Variants in FOXP2 observed in about 807,000 individuals in gnomAD.
The protein encoded by FOXP2 is forkhead box protein P2.
Under a neutral mutation model 115.8 loss-of-function variants are expected in FOXP2, and 12 were observed. That is an observed-to-expected ratio of 0.10 (90% CI 0.07 to 0.17). FOXP2 has a LOEUF of 0.17. Among genes scored for constraint, FOXP2 ranks in the 10% least tolerant of loss-of-function variants. The probability of loss-of-function intolerance (pLI) is 1.00; values close to 1 mark genes in which losing one functional copy is unlikely to be tolerated. For missense variants in FOXP2, 629 were observed against 843.5 expected (o/e 0.75, Z 3.15); for synonymous variants, 328 against 297.7 (o/e 1.10, Z -1.05).
chr7:114,484,234 CTAAT>C (rs1194229805), intron 2 of FOXP2, among the ~76,000 whole-genome samples: 2 of 151,560 alleles, frequency 1.3e-5, no homozygotes, highest in African/African-American at 4.8e-5. Context: ...CTGTGATAAT[CTAAT>C]TGTGCTCTAT....
chr7:114,510,713 C>T (rs921308032), intron 2 of FOXP2, among the ~76,000 whole-genome samples: 5 of 152,054 alleles, frequency 3.3e-5, no homozygotes, highest in Non-Finnish European at 5.9e-5. Flanking sequence ...ACAACAGATG[C>T]TGGAGAGGAT....
At chr7:114,176,336 TTCTC>T (rs1186084127) in intron 1 of FOXP2, among the ~76,000 whole-genome samples, 4 of 135,974 alleles carry the variant, frequency 2.9e-5, no homozygotes, top group Admixed American at 7.1e-5. Flanking sequence ...TTTTCTTTCT[TTCTC>T]TCTCTCTCTC....
chr7:114,250,072 G>A (rs1379419892), intron 1 of FOXP2, among the ~76,000 whole-genome samples: 1 of 151,382 alleles, frequency 6.6e-6, no homozygotes, highest in African/African-American at 2.4e-5. Context: ...CCTTGCAATA[G>A]TTTACTGAGA....
intron 1 of FOXP2, among the ~76,000 whole-genome samples, chr7:114,134,371 G>T (rs1463398417): frequency 6.6e-6 from 1 of 152,044 alleles, no homozygotes; most frequent in Non-Finnish European, 1.5e-5. Flanking sequence ...TGGATTTTTT[G>T]AATAAAATTT....
chr7:114,312,965 TC>T (rs1396876897), intron 2 of FOXP2, among the ~76,000 whole-genome samples: 1 of 152,192 alleles, frequency 6.6e-6, no homozygotes, highest in Admixed American at 6.5e-5. Context: ...GGAGAACCCA[TC>T]AAAAGGTCTT....
At chr7:114,421,164 G>A (rs753264842) in intron 1 of FOXP2, among the ~76,000 whole-genome samples, 27 of 151,440 alleles carry the variant, frequency 1.8e-4, no homozygotes, top group Non-Finnish European at 1.5e-4. Context: ...CACTTTAAGT[G>A]AAATAGCATA....
intron 2 of FOXP2, among the ~76,000 whole-genome samples, chr7:114,501,669 G>A (rs1303132925): frequency 1.3e-5 from 2 of 151,922 alleles, no homozygotes; most frequent in Admixed American, 6.6e-5. Flanking sequence ...AATATATCCA[G>A]TTACATTTAA....
chr7:114,550,225 C>T (rs1376578576), intron 3 of FOXP2, among the ~76,000 whole-genome samples: 1 of 147,980 alleles, frequency 6.8e-6, no homozygotes, highest in Non-Finnish European at 1.5e-5. Context: ...TGACGCCATT[C>T]TCCTGCCTCA....
chr7:114,331,806 T>A (rs1797722880), intron 2 of FOXP2, among the ~76,000 whole-genome samples: 1 of 151,978 alleles, frequency 6.6e-6, no homozygotes. Context: ...CCATCATACC[T>A]GGCTAATTTT....
At chr7:114,497,118 A>T (rs557607177) in intron 2 of FOXP2, among the ~76,000 whole-genome samples, 2 of 152,308 alleles carry the variant, frequency 1.3e-5, no homozygotes, top group East Asian at 3.9e-4. Context: ...CAAACTGTAC[A>T]AAATAATTAT....
chr7:114,180,312 C>T (rs1260447940), intron 1 of FOXP2, among the ~76,000 whole-genome samples: 1 of 151,866 alleles, frequency 6.6e-6, no homozygotes, highest in African/African-American at 2.4e-5. Context: ...CTTATTCTTC[C>T]TAAGACTTTC....
chr7:114,664,686 C>A, intron 16 of FOXP2: 1 of 501,930 alleles, frequency 2.0e-6, no homozygotes, highest in Non-Finnish European at 3.6e-6. Flanking sequence ...TACTAATGTT[C>A]TCTTGGGCAT....
At chr7:114,657,985 T>TCCA in intron 10 of FOXP2, 81 bp from the exon 11 acceptor site, 1 of 1,467,122 alleles carries the variant, frequency 6.8e-7, no homozygotes, top group Non-Finnish European at 9.5e-7. Flanking sequence ...TAGAAGTGAA[T>TCCA]CCACTCTCAT....
At chr7:114,548,776 T>A (rs2129285483) in intron 3 of FOXP2, among the ~76,000 whole-genome samples, 2 of 152,330 alleles carry the variant, frequency 1.3e-5, no homozygotes, top group South Asian at 4.1e-4. Context: ...GATGAGGGAT[T>A]CTGATGGAAC....
At chr7:114,110,854 G>C (rs552823993) in intron 1 of FOXP2, among the ~76,000 whole-genome samples, 1 of 152,122 alleles carries the variant, frequency 6.6e-6, no homozygotes, top group Non-Finnish European at 1.5e-5. Flanking sequence ...TAAGAATTTA[G>C]TAGTGAGCAT....
Position 114,617,686 on chromosome 7 carries a change from C to T in FOXP2, c.259-10854C>T, listed in dbSNP as rs12668736. The stretch of plus-strand genomic sequence containing the variant: ...CGGGTGCCTGTAATCCCAGCTATTC[C>T]GGAGGCTAAGGCTGGAAAATTGCTT... On this transcript the variant is annotated intron_variant, in intron 3 of 16. Transcript: ENST00000350908. Among the ~76,000 whole-genome samples the T allele has an allele frequency of 3.2e-4, 49 of 152,028 alleles. No individual in the cohort carries two copies. The East Asian group carries it at 5.6e-3, about 17-fold the overall frequency.
chr7:114,542,822 A>G (rs908867673), intron 3 of FOXP2, among the ~76,000 whole-genome samples: 5 of 147,004 alleles, frequency 3.4e-5, no homozygotes, highest in South Asian at 2.1e-4. Flanking sequence ...GCAGAATCTC[A>G]CTCTGTCACC....
chr7:114,563,075 A>G (rs1050532684), intron 3 of FOXP2, among the ~76,000 whole-genome samples: 5 of 152,060 alleles, frequency 3.3e-5, no homozygotes, highest in Non-Finnish European at 2.9e-5. Flanking sequence ...CTTTTATAAA[A>G]CCATCAGATC....
chr7:114,512,982 T>C (rs1562968618), intron 2 of FOXP2, among the ~76,000 whole-genome samples: 1 of 152,074 alleles, frequency 6.6e-6, no homozygotes, highest in Non-Finnish European at 1.5e-5. Flanking sequence ...GTCTGGAGGC[T>C]GAGGCAGGAG....
Sources: gnomAD v4.1 joint callset for allele counts (sites outside exome capture counted in the v4.1 genomes callset) on GRCh38, gnomAD v4.1.1 for gene constraint, MANE v1.5 for transcripts, NCBI Gene and HGNC (gene_info 2026-07-23, HGNC 2026-07-21) for gene names.